The following CAMK1D variants were observed in gnomAD, a reference collection of about 807,000 sequenced individuals.
CAMK1D encodes the protein calcium/calmodulin dependent protein kinase ID, also known as calcium/calmodulin-dependent protein kinase type 1D.
CAMK1D carries 9 observed loss-of-function variants against 47.7 expected under a neutral mutation model. That is an observed-to-expected ratio of 0.19 (90% confidence interval 0.11 to 0.33). CAMK1D has a LOEUF of 0.33. Among genes scored for constraint, CAMK1D ranks in the 10% least tolerant of loss-of-function variants. CAMK1D has a pLI of 1.00. For missense variants in CAMK1D, 291 were observed against 488.7 expected (o/e 0.60, Z 3.81); for synonymous variants, 184 against 184.9 (o/e 0.99, Z 0.04).
intron 1 of CAMK1D, among the ~76,000 whole-genome samples, chr10:12,480,165 C>T (rs1157700447): frequency 6.6e-6 from 1 of 152,072 alleles, no homozygotes; most frequent in Non-Finnish European, 1.5e-5. Flanking sequence ...ATTTAAAATA[C>T]TTGGCCGGGC....
At chr10:12,646,126 C>G (rs970186082) in intron 2 of CAMK1D, among the ~76,000 whole-genome samples, 1 of 152,002 alleles carries the variant, frequency 6.6e-6, no homozygotes, top group Admixed American at 6.6e-5. Context: ...AACTTGAGTC[C>G]TTGGTATAGG....
At chr10:12,746,379 AGT>A (rs1835682415) in intron 3 of CAMK1D, among the ~76,000 whole-genome samples, 1 of 151,058 alleles carries the variant, frequency 6.6e-6, no homozygotes, top group African/African-American at 2.5e-5. Flanking sequence ...AAAAAAAAAA[AGT>A]TAGTGAATCT....
chr10:12,760,696 T>C, intron 3 of CAMK1D: 2 of 440,096 alleles, frequency 4.5e-6, no homozygotes, highest in Non-Finnish European at 8.4e-6. Flanking sequence ...GGCAGAGGCC[T>C]GGACAGAACC....
chr10:12,361,101 G>A (rs908401571), intron 1 of CAMK1D, among the ~76,000 whole-genome samples: 2 of 152,206 alleles, frequency 1.3e-5, no homozygotes, highest in African/African-American at 4.8e-5. Context: ...CAAGAATTAT[G>A]CTCTTTGGAT....
intron 1 of CAMK1D, among the ~76,000 whole-genome samples, chr10:12,488,543 A>G (rs183789652): frequency 3.0e-4 from 46 of 152,238 alleles, no homozygotes; most frequent in Admixed American, 5.2e-4. Flanking sequence ...TGGTTTCGGG[A>G]TGATTCAAGC....
intron 3 of CAMK1D, among the ~76,000 whole-genome samples, chr10:12,735,274 A>G (rs916831798): frequency 3.3e-5 from 5 of 152,202 alleles, no homozygotes; most frequent in South Asian, 2.1e-4. Flanking sequence ...CAGGAGATCA[A>G]GACCATCCTG....
intron 3 of CAMK1D, among the ~76,000 whole-genome samples, chr10:12,681,091 C>T (rs115491868): frequency 0.031 from 4,694 of 152,186 alleles, 258 homozygotes; most frequent in African/African-American, 0.11. Context: ...GGACAACCCA[C>T]ATCATAACCT....
chr10:12,608,346 A>C (rs950531790), intron 2 of CAMK1D, among the ~76,000 whole-genome samples: 1 of 152,212 alleles, frequency 6.6e-6, no homozygotes, highest in Non-Finnish European at 1.5e-5. Flanking sequence ...TGAACCTGGG[A>C]GGCGGAGGTT....
intron 3 of CAMK1D, among the ~76,000 whole-genome samples, chr10:12,687,651 G>C (rs1461365368): frequency 6.6e-6 from 1 of 152,180 alleles, no homozygotes; most frequent in Non-Finnish European, 1.5e-5. Flanking sequence ...AGGGTGGAAG[G>C]CATCACACTA....
At chr10:12,609,324 G>T (rs1433393666) in intron 2 of CAMK1D, among the ~76,000 whole-genome samples, 1 of 152,210 alleles carries the variant, frequency 6.6e-6, no homozygotes, top group Non-Finnish European at 1.5e-5. Context: ...GTGGATGACA[G>T]TTTTTCCATG....
intron 3 of CAMK1D, among the ~76,000 whole-genome samples, chr10:12,750,594 G>A (rs1056191518): frequency 5.3e-5 from 8 of 152,276 alleles, no homozygotes; most frequent in East Asian, 1.9e-4. Flanking sequence ...AGAAGAGGCC[G>A]GGAGGAGAGA....
intron 8 of CAMK1D, among the ~76,000 whole-genome samples, chr10:12,820,309 A>C (rs3824645): frequency 0.39 from 58,961 of 152,174 alleles, 12,382 homozygotes; most frequent in Non-Finnish European, 0.47. Context: ...GGCGTGAGCC[A>C]CCATGCCCGG....
chr10:12,766,661 C>G (rs2130922399), intron 4 of CAMK1D, among the ~76,000 whole-genome samples: 1 of 152,262 alleles, frequency 6.6e-6, no homozygotes, highest in East Asian at 1.9e-4. Context: ...TTTACCCTCA[C>G]TATCTGCAAA....
At chr10:12,412,996 G>A (rs983203008) in intron 1 of CAMK1D, among the ~76,000 whole-genome samples, 1 of 152,170 alleles carries the variant, frequency 6.6e-6, no homozygotes, top group Non-Finnish European at 1.5e-5. Context: ...GGGAGGTTCT[G>A]GGAGCCCCAA....
At chr10:12,707,553 T>C (rs1833770799) in intron 3 of CAMK1D, among the ~76,000 whole-genome samples, 1 of 152,318 alleles carries the variant, frequency 6.6e-6, no homozygotes, top group South Asian at 2.1e-4. Context: ...AAATGTCTGC[T>C]GGAGCTTGTT....
intron 2 of CAMK1D, among the ~76,000 whole-genome samples, chr10:12,663,295 T>C (rs1010473343): frequency 6.6e-6 from 1 of 152,214 alleles, no homozygotes; most frequent in Non-Finnish European, 1.5e-5. Context: ...TTCATGATAC[T>C]GTATTTTACC....
chr10:12,526,897 C>A (rs867535172), intron 1 of CAMK1D, among the ~76,000 whole-genome samples: 35 of 129,802 alleles, frequency 2.7e-4, no homozygotes, highest in African/African-American at 3.9e-4. Flanking sequence ...AACCCTATCT[C>A]AAAAAAAAAA....
At chr10:12,570,219 A>T (rs1413196251) in intron 2 of CAMK1D, among the ~76,000 whole-genome samples, 7 of 152,048 alleles carry the variant, frequency 4.6e-5, no homozygotes, top group African/African-American at 1.4e-4. Flanking sequence ...ATATATATAT[A>T]TTTTATAACT....
intron 1 of CAMK1D, among the ~76,000 whole-genome samples, chr10:12,515,937 A>T (rs1835197348): frequency 2.7e-5 from 4 of 150,836 alleles, no homozygotes; most frequent in Admixed American, 2.6e-4. Context: ...AGAATGTAAT[A>T]CTCTTAACAG....
Sources: allele counts gnomAD v4.1 joint callset (sites outside exome capture counted in the v4.1 genomes callset), GRCh38; gene constraint gnomAD v4.1.1; transcripts MANE v1.5; gene names NCBI Gene and HGNC (gene_info 2026-07-23, HGNC 2026-07-21).